NAV1: variants seen among roughly 807,000 people sequenced by gnomAD.
The protein encoded by NAV1 is neuron navigator 1.
Under a neutral mutation model 175.2 loss-of-function variants are expected in NAV1, and 18 were observed. The ratio of observed to expected loss-of-function variants is 0.10; its 90% CI spans 0.07 to 0.15. NAV1 has a LOEUF of 0.15. NAV1 is among the 10% of genes least tolerant of loss of function. NAV1 has a pLI of 1.00. For synonymous variants in NAV1, 897 were observed against 978.7 expected, an observed-to-expected ratio of 0.92 and a Z score of 1.56; for missense variants, 1,731 against 2,436.6, an observed-to-expected ratio of 0.71 and a Z score of 6.10.
chr1:201,589,460 C>T (rs1667127764), intron 2 of NAV1, among the ~76,000 whole-genome samples: 1 of 151,596 alleles, frequency 6.6e-6, no homozygotes, highest in Admixed American at 6.6e-5. Flanking sequence ...CTAATGCCTG[C>T]TCAGTAAATG....
At chr1:201,626,322 G>A (rs926877903) in intron 1 of NAV1, among the ~76,000 whole-genome samples, 1 of 152,162 alleles carries the variant, frequency 6.6e-6, no homozygotes, top group African/African-American at 2.4e-5. Flanking sequence ...CTTCTGCAAA[G>A]CCCCAGTGGA....
intron 2 of NAV1, among the ~76,000 whole-genome samples, chr1:201,595,624 A>G (rs2102221625): frequency 6.6e-6 from 1 of 152,336 alleles, no homozygotes; most frequent in East Asian, 1.9e-4. Flanking sequence ...AGGGGCAGGC[A>G]GGCACAGCAG....
chr1:201,753,797 A>AATT (rs1336161681), intron 3 of NAV1, among the ~76,000 whole-genome samples: 1 of 152,198 alleles, frequency 6.6e-6, no homozygotes, highest in African/African-American at 2.4e-5. Flanking sequence ...GGGTTACATA[A>AATT]AGGGCTAGCT....
intron 3 of NAV1, among the ~76,000 whole-genome samples, chr1:201,779,834 C>T (rs1676203465): frequency 6.6e-6 from 1 of 152,012 alleles, no homozygotes; most frequent in African/African-American, 2.4e-5. Flanking sequence ...TCTACATGGC[C>T]ACAGCACCTT....
chr1:201,683,353 G>A (rs7415996), intron 1 of NAV1, among the ~76,000 whole-genome samples: 44,509 of 152,016 alleles, frequency 0.29, 7,246 homozygotes, highest in Admixed American at 0.44. Flanking sequence ...AACAGGGACC[G>A]GTTTCATGGA....
At chr1:201,611,009 C>T (rs770818384) in intron 2 of NAV1, among the ~76,000 whole-genome samples, 1 of 151,988 alleles carries the variant, frequency 6.6e-6, no homozygotes, top group Non-Finnish European at 1.5e-5. Context: ...AATCCTAATC[C>T]CCATTCAGAG....
chr1:201,692,798 A>G (rs1200374844), intron 1 of NAV1, among the ~76,000 whole-genome samples: 1 of 152,274 alleles, frequency 6.6e-6, no homozygotes, highest in East Asian at 1.9e-4. Flanking sequence ...CTGTGCCTCC[A>G]GGGAGTCAAG....
At chr1:201,747,252 CTGTGTGCA>C (rs907788859) in intron 3 of NAV1, among the ~76,000 whole-genome samples, 3 of 152,162 alleles carry the variant, frequency 2.0e-5, no homozygotes, top group Non-Finnish European at 2.9e-5. Flanking sequence ...ACGGTCCTGC[CTGTGTGCA>C]TGTGTGCATG....
At chr1:201,567,770 C>T (rs1239106463) in intron 1 of NAV1, among the ~76,000 whole-genome samples, 1 of 152,164 alleles carries the variant, frequency 6.6e-6, no homozygotes, top group Non-Finnish European at 1.5e-5. Flanking sequence ...CTATGGCTTT[C>T]TCCCAAGCCA....
Position 201,718,838 on chromosome 1 carries a change from C to T in NAV1, c.1226+83C>T. The T allele has an allele frequency of 6.6e-7, 1 of 1,518,970 alleles. No individual in the cohort carries two copies. The highest frequency in any genetic ancestry group is 8.9e-7 in the Non-Finnish European group (1 of 1,125,190). The allele number at this position is 1,518,970 out of a possible 1,614,324, so 94.1% of individuals were successfully genotyped here. ...CGACGCCTTAAAAGTGGAGTGGAACCCAAAACGGGTTTTGGTTTGCTGTGC... is the reference window on the plus strand; with the variant it reads ...CGACGCCTTAAAAGTGGAGTGGAACTCAAAACGGGTTTTGGTTTGCTGTGC... On this transcript the variant is annotated intron_variant, in intron 3 of 29. Transcript: ENST00000367296. This position sits in a 1 kb window ranked among gnomAD's most constrained non-coding sequence, Gnocchi z 4.8.
chr1:201,601,935 G>T (rs1667525423), intron 2 of NAV1, among the ~76,000 whole-genome samples: 1 of 152,074 alleles, frequency 6.6e-6, no homozygotes, highest in Non-Finnish European at 1.5e-5. Context: ...GGATCCACAG[G>T]CCCTTTGGAA....
chr1:201,658,685 T>C (rs894301003), intron 1 of NAV1, among the ~76,000 whole-genome samples: 1 of 152,188 alleles, frequency 6.6e-6, no homozygotes, highest in Non-Finnish European at 1.5e-5. Flanking sequence ...CAATCAAAGT[T>C]CGTCCCCAAA....
intron 1 of NAV1, among the ~76,000 whole-genome samples, chr1:201,580,044 A>C (rs1298567515): frequency 6.6e-6 from 1 of 152,242 alleles, no homozygotes; most frequent in Non-Finnish European, 1.5e-5. Context: ...CCCAGAATCC[A>C]AAAGCCAGAG....
upstream of NAV1, among the ~76,000 whole-genome samples, chr1:201,622,164 G>A (rs941962361): frequency 2.0e-5 from 3 of 148,640 alleles, no homozygotes; most frequent in African/African-American, 7.4e-5. Context: ...GGTGGGTAGG[G>A]AATGGGCTGG....
intron 1 of NAV1, among the ~76,000 whole-genome samples, chr1:201,699,300 A>G (rs953137301): frequency 6.6e-6 from 1 of 152,190 alleles, no homozygotes; most frequent in African/African-American, 2.4e-5. Flanking sequence ...CCAATAACAG[A>G]CAAACAGAGA....
chr1:201,806,146 A>G (rs535015934), intron 17 of NAV1, among the ~76,000 whole-genome samples: 4 of 151,996 alleles, frequency 2.6e-5, no homozygotes, highest in Non-Finnish European at 5.9e-5. Flanking sequence ...CACCATGTCC[A>G]ACTAATTTTT....
chr1:201,762,314 T>C (rs1571466897), intron 3 of NAV1, among the ~76,000 whole-genome samples: 1 of 152,224 alleles, frequency 6.6e-6, no homozygotes, highest in Admixed American at 6.5e-5. Context: ...CCAGGACTTG[T>C]CAGTTACGGA....
chr1:201,597,709 G>A (rs1057430835), intron 2 of NAV1, among the ~76,000 whole-genome samples: 6 of 152,196 alleles, frequency 3.9e-5, no homozygotes, highest in Non-Finnish European at 5.9e-5. Context: ...ACACTCCTGC[G>A]GAAGCTCAGC....
Position 201,750,281 on chromosome 1 carries a change from A to T in NAV1, c.1227-30140A>T, listed in dbSNP as rs1244586508. 6.6e-6 allele frequency among the ~76,000 whole-genome samples: 1 copy of T among 152,220 alleles called. No homozygotes were observed. Among genetic ancestry groups the T allele is most frequent in the Non-Finnish European group, 1.5e-5 (1 of 68,042 alleles). ...CCCTTCCCTGGAAGTCTCCCAAAGC[A>T]GAAAAACACCCATTTGCGTGGATGA... On this transcript the variant is annotated intron_variant, in intron 3 of 29. Coordinates refer to ENST00000367296, the Ensembl canonical transcript of NAV1. This position sits in a 1 kb window ranked among gnomAD's most constrained non-coding sequence, Gnocchi z 4.1.
Sources: gnomAD v4.1 joint callset for allele counts (sites outside exome capture counted in the v4.1 genomes callset) on GRCh38, gnomAD v4.1.1 for gene constraint, Gnocchi (gnomAD v3.1) non-coding constraint, MANE v1.5 for transcripts, NCBI Gene and HGNC (gene_info 2026-07-23, HGNC 2026-07-21) for gene names.